The following VSX1 variants were observed in gnomAD, a reference collection of about 807,000 sequenced individuals.
VSX1 encodes the protein visual system homeobox 1.
A neutral mutation model predicts 23.6 loss-of-function variants in VSX1; 23 were observed. The ratio of observed to expected loss-of-function variants is 0.97; its 90% CI spans 0.70 to 1.38. The LOEUF (loss-of-function observed/expected upper bound fraction) is 1.38. Among genes scored for constraint, VSX1 ranks in the 40% most tolerant of loss-of-function variants. The probability of loss-of-function intolerance (pLI) is 0.00; values close to 1 mark genes in which losing one functional copy is unlikely to be tolerated. For missense variants in VSX1, 517 were observed against 495.4 expected (o/e 1.04, Z -0.41); for synonymous variants, 247 against 215.1 (o/e 1.15, Z -1.30).
At position 25,078,339 on chromosome 20, in the gene VSX1, A is replaced by C. The variant is rs1220866480; in HGVS notation, c.628-474T>G. ...AAAGGACTATTATGAAATACGGTTT[A>C]GCTGTTAAAAAAAGAGTTAGTGACA... On this transcript the variant is annotated intron_variant, in intron 3 of 4. Coordinates refer to ENST00000376709, the MANE Select transcript of VSX1 (RefSeq NM_014588.6). 2.6e-5 allele frequency among the ~76,000 whole-genome samples: 4 copies of C among 152,204 alleles called. No individual in the cohort carries two copies. In the East Asian group the frequency reaches 7.7e-4, roughly 29 times the overall value.
downstream of VSX1, among the ~76,000 whole-genome samples, chr20:25,074,705 A>G (rs2089449226): frequency 6.6e-6 from 1 of 152,080 alleles, no homozygotes; most frequent in Non-Finnish European, 1.5e-5. Context: ...TCTAAGTGTG[A>G]TGTATGTAAG....
rs371077856 is a variant in VSX1, at chr20:25,076,365, C to A, written c.994G>T (p.Ala332Ser). Residue 332 changes from alanine (A) to serine (S), a missense_variant, in exon 5 of 5, where the codon GCC becomes TCC. Transcript: ENST00000376709. ...TGCACTTTCTTGGTCTCCTGCCGGG[C>A]AGAGCTGGAGAGGTCAATAGCCACA... ...EDVAIDLSSS[A>S]RQETKKVHPG... is the part of the protein sequence containing the mutation. 4 of 1,614,152 alleles carry A rather than the reference C, an allele frequency of 2.5e-6. No homozygotes were observed. Among genetic ancestry groups the A allele is most frequent in the Non-Finnish European group, 3.4e-6 (4 of 1,180,028 alleles).
Position 25,078,075 on chromosome 20 carries a change from TCA to T in VSX1, c.628-212_628-211del, listed in dbSNP as rs148093421. 0.011 allele frequency: 6,928 copies of T among 626,186 alleles called. 352 individuals are homozygous for T. The African/African-American group carries it at 0.11, about 10-fold the overall frequency. 38.8% of individuals were successfully genotyped at this position (626,186 alleles called of 1,614,324 possible). ...AGCAGCGCCCACGTGCGGTCCGGACTCACGGGCATTCAACGCAGTAGGGACAC... is the reference window on the plus strand; with the variant it reads ...AGCAGCGCCCACGTGCGGTCCGGACTCGGGCATTCAACGCAGTAGGGACAC... On this transcript the variant is annotated intron_variant, in intron 3 of 4. Coordinates refer to ENST00000376709, the MANE Select transcript of VSX1 (RefSeq NM_014588.6).
Position 25,077,853 on chromosome 20 carries a change from T to C in VSX1, c.640A>G (p.Asn214Asp), listed in dbSNP as rs1470144518. Residue 214 changes from asparagine to aspartate, a missense_variant, in exon 4 of 5, where the codon AAC becomes GAC. Asn to Asp is a conservative substitution (Grantham distance 23). Coordinates refer to ENST00000376709, the MANE Select transcript of VSX1 (RefSeq NM_014588.6). ...PEDRIQVWFQ[N>D]RRAKWRKREK... is the part of the protein sequence containing the mutation. ...CGCTTGCGCCATTTGGCCCTGCGGTTTTGAAACCAGACCTGGTTGGAGGCA... is the reference window on the plus strand; with the variant it reads ...CGCTTGCGCCATTTGGCCCTGCGGTCTTGAAACCAGACCTGGTTGGAGGCA... 1.9e-6 allele frequency: 3 copies of C among 1,551,918 alleles called. No homozygotes were observed. The highest frequency in any genetic ancestry group is 2.6e-6 in the Non-Finnish European group (3 of 1,147,254).
chr20:25,077,068 G>T (rs990703270), intron 4 of VSX1, among the ~76,000 whole-genome samples: 1 of 152,178 alleles, frequency 6.6e-6, no homozygotes, highest in Non-Finnish European at 1.5e-5. Context: ...CCCCGTGCCC[G>T]GAGGTACTCA....
chr20:25,081,989 C>G lies in VSX1; in HGVS notation c.108G>C (p.Leu36=). 3 of 1,534,164 alleles carry G rather than the reference C, an allele frequency of 2.0e-6. No individual in the cohort carries two copies. The highest frequency in any genetic ancestry group is 2.4e-5 in the South Asian group (2 of 83,986). Residue 36 remains leucine, a synonymous_variant, in exon 1 of 5, where the codon CTG becomes CTC. Transcript: ENST00000376709. Reference sequence around the variant, plus strand: ...CCGGCAGCTCGGCCTCCAAGCCCAGCAGGTCCGTGATGGCGAAGCCCCGGG... The same window carrying G: ...CCGGCAGCTCGGCCTCCAAGCCCAGGAGGTCCGTGATGGCGAAGCCCCGGG... ...SRPRGFAITD[L]LGLEAELPAP...
intron 3 of VSX1, 118 bp from the exon 4 acceptor site, chr20:25,077,983 T>C (rs1317466266): frequency 7.3e-7 from 1 of 1,362,030 alleles, no homozygotes. Flanking sequence ...GATCCCATGC[T>C]ATTTCTGAAG....
chr20:25,071,983 C>G, downstream of VSX1: 5 of 628,980 alleles, frequency 7.9e-6, no homozygotes, highest in Non-Finnish European at 1.5e-5. Context: ...CCTGCAAAGT[C>G]CAGTGAACGG....
chr20:25,079,790 G>C (rs570203430), intron 1 of VSX1, among the ~76,000 whole-genome samples: 1 of 152,018 alleles, frequency 6.6e-6, no homozygotes. Flanking sequence ...GGCACCGAAT[G>C]GTTAAGTAAT....
At chr20:25,071,413 G>A (rs568920878), downstream of VSX1, 61 of 453,982 alleles carry the variant, frequency 1.3e-4, no homozygotes, top group East Asian at 9.0e-4. Flanking sequence ...TAGAGGTTGC[G>A]GTGAGCTATG....
At chr20:25,078,761 C>T in intron 3 of VSX1, 68 bp downstream of exon 3, 1 of 1,614,068 alleles carries the variant, frequency 6.2e-7, no homozygotes, top group Non-Finnish European at 8.5e-7. Context: ...TGCTGATTGG[C>T]TCACTGAATG....
chr20:25,081,494 G>C, intron 1 of VSX1, 179 bp downstream of exon 1: 1 of 959,240 alleles, frequency 1.0e-6, no homozygotes, highest in East Asian at 2.4e-5. Flanking sequence ...TTAGGATGCA[G>C]CAAGGGGCAG....
rs11427085 is a variant in VSX1, at chr20:25,076,555, T to TAA, written c.809-7_809-6dup. On this transcript the variant is annotated splice_region_variant and splice_polypyrimidine_tract_variant and intron_variant, in intron 4 of 4. Coordinates refer to ENST00000376709, the MANE Select transcript of VSX1 (RefSeq NM_014588.6). The stretch of plus-strand genomic sequence containing the variant: ...CCATGGATTTTTTATGCATCCCTTG[T>TAA]AAAAAAAAAAATAAAAAGGAAAAAA... 8,505 of 1,383,670 alleles carry TAA rather than the reference T, an allele frequency of 6.1e-3. 204 individuals are homozygous for TAA. The African/African-American group carries it at 0.095, about 16-fold the overall frequency. The allele number at this position is 1,383,670 out of a possible 1,614,324, so 85.7% of individuals were successfully genotyped here.
intron 3 of VSX1, 140 bp from the exon 4 acceptor site, chr20:25,078,005 C>G (rs1291397566): frequency 8.4e-7 from 1 of 1,193,962 alleles, no homozygotes; most frequent in East Asian, 2.6e-5. Context: ...AAATAGCTCC[C>G]GAGGGCCAAC....
chr20:25,072,615 C>T (rs777613178), downstream of VSX1: 1 of 471,196 alleles, frequency 2.1e-6, no homozygotes, highest in South Asian at 1.5e-5. Flanking sequence ...AGGTTCACTT[C>T]ATTTCTCTGC....
At chr20:25,079,588 G>T in intron 1 of VSX1, 74 bp from the exon 2 acceptor site, 1 of 1,499,804 alleles carries the variant, frequency 6.7e-7, no homozygotes, top group Non-Finnish European at 9.1e-7. Context: ...TTAATGTGAG[G>T]ATTGAAGTTA....
At chr20:25,077,888 G>A (rs1043086856) in intron 3 of VSX1, 23 bp from the exon 4 acceptor site, 2 of 1,550,844 alleles carry the variant, frequency 1.3e-6, no homozygotes, top group Non-Finnish European at 1.7e-6. Flanking sequence ...AGGAGAAGCA[G>A]AAGGCACACA....
At position 25,079,410 on chromosome 20, in the gene VSX1, G is replaced by A. The variant is rs374972450; in HGVS notation, c.503+26C>T. On this transcript the variant is annotated intron_variant, in intron 2 of 4. Coordinates refer to ENST00000376709, the MANE Select transcript of VSX1 (RefSeq NM_014588.6). ...TGGGCTGTGTCCCGAGGAAAGGCAG[G>A]CAGAGGGGACTGCCTGGCCCTATAC... is the stretch of plus-strand genomic sequence containing the variant. 10 of 1,601,240 alleles carry A rather than the reference G, an allele frequency of 6.2e-6. No individual in the cohort carries two copies. In the Admixed American group the frequency reaches 1.0e-4, roughly 16 times the overall value.
At chr20:25,077,472 C>T (rs1483216311) in intron 4 of VSX1, among the ~76,000 whole-genome samples, 1 of 152,266 alleles carries the variant, frequency 6.6e-6, no homozygotes, top group African/African-American at 2.4e-5. Context: ...GAGACTTCCA[C>T]ACAGCCTAGA....
Sources: allele counts gnomAD v4.1 joint callset (sites outside exome capture counted in the v4.1 genomes callset), GRCh38; gene constraint gnomAD v4.1.1; transcripts MANE v1.5; gene names NCBI Gene and HGNC (gene_info 2026-07-23, HGNC 2026-07-21).